MACO1: variants seen among roughly 807,000 people sequenced by gnomAD.
MACO1 encodes the protein macoilin.
Under a neutral mutation model 78.7 loss-of-function variants are expected in MACO1, and 14 were observed. That is an observed-to-expected ratio of 0.18 (90% CI 0.12 to 0.28). The LOEUF (loss-of-function observed/expected upper bound fraction) is 0.28, where lower values mean the gene tolerates loss of function less well. Among genes scored for constraint, MACO1 ranks in the 10% least tolerant of loss-of-function variants. The pLI, the probability that MACO1 is intolerant of heterozygous loss-of-function variation, is 1.00. For synonymous variants in MACO1, 288 were observed against 291.6 expected (o/e 0.99, Z 0.12); for missense variants, 501 against 799.0 (o/e 0.63, Z 4.50).
intron 6 of MACO1, among the ~76,000 whole-genome samples, chr1:25,482,647 C>T (rs758908886): frequency 1.2e-4 from 18 of 152,348 alleles, no homozygotes; most frequent in Middle Eastern, 6.8e-3. Context: ...CTTCTCTCCT[C>T]AGACTCACAT....
intron 6 of MACO1, among the ~76,000 whole-genome samples, chr1:25,467,907 G>T (rs1176336530): frequency 6.6e-6 from 1 of 152,056 alleles, no homozygotes; most frequent in Non-Finnish European, 1.5e-5. Flanking sequence ...GAAGTTTTTT[G>T]ACTTCTGGAA....
At chr1:25,492,624 T>A (rs140661825) in intron 10 of MACO1, among the ~76,000 whole-genome samples, 2 of 152,158 alleles carry the variant, frequency 1.3e-5, no homozygotes, top group African/African-American at 4.8e-5. Flanking sequence ...TGTATGGGAC[T>A]TGAGGCCCAT....
chr1:25,497,104 G>A (rs2043544279), intron 10 of MACO1, among the ~76,000 whole-genome samples: 1 of 152,156 alleles, frequency 6.6e-6, no homozygotes, highest in Non-Finnish European at 1.5e-5. Context: ...AGTTAGACCG[G>A]GCGCGGTGGC....
intron 6 of MACO1, among the ~76,000 whole-genome samples, chr1:25,471,262 C>G (rs968758657): frequency 6.6e-6 from 1 of 151,642 alleles, no homozygotes; most frequent in South Asian, 2.1e-4. Flanking sequence ...TCACTTGAAC[C>G]TGAGAGGCAG....
intron 6 of MACO1, among the ~76,000 whole-genome samples, chr1:25,482,017 C>T (rs185869289): frequency 4.6e-5 from 7 of 152,210 alleles, no homozygotes; most frequent in East Asian, 1.9e-4. Flanking sequence ...ATTGAGTAAG[C>T]GTTGATCACT....
chr1:25,491,240 T>C (rs1557677538), intron 9 of MACO1, 170 bp from the exon 10 acceptor site: 1 of 278,866 alleles, frequency 3.6e-6, no homozygotes, highest in Non-Finnish European at 5.4e-6. Flanking sequence ...TTGTATGTGC[T>C]TATTGCCATA....
chr1:25,447,005 A>G, intron 2 of MACO1, 102 bp downstream of exon 2: 1 of 1,379,936 alleles, frequency 7.2e-7, no homozygotes, highest in Non-Finnish European at 9.6e-7. Context: ...ATTAGCTAAT[A>G]GGGTCTGTTA....
At chr1:25,446,733 A>C (rs753459088) in intron 1 of MACO1, 29 bp from the exon 2 acceptor site, 1 of 1,561,702 alleles carries the variant, frequency 6.4e-7, no homozygotes, top group South Asian at 1.2e-5. Flanking sequence ...AATGACCTTA[A>C]ATTAATTCTT....
At chr1:25,439,972 C>T (rs1431829391) in intron 1 of MACO1, among the ~76,000 whole-genome samples, 6 of 149,040 alleles carry the variant, frequency 4.0e-5, no homozygotes, top group African/African-American at 1.2e-4. Flanking sequence ...GAGCCGAGAT[C>T]GTACCATTGC....
Position 25,488,772 on chromosome 1 carries a change from A to G in MACO1, c.1497-401A>G, listed in dbSNP as rs552792211. Reference sequence around the variant, plus strand: ...ATTGCTGTGATTACAGGCGTGAGCCACTGCACTCGGCCAACCTATAGTCTT... The same window carrying G: ...ATTGCTGTGATTACAGGCGTGAGCCGCTGCACTCGGCCAACCTATAGTCTT... On this transcript the variant is annotated intron_variant, in intron 8 of 10. Coordinates refer to ENST00000374343, the MANE Select transcript of MACO1 (RefSeq NM_018202.6). Among the ~76,000 whole-genome samples the G allele has an allele frequency of 2.0e-3, 306 of 152,296 alleles. 1 individual carries two copies. The highest frequency in any genetic ancestry group is 7.0e-3 in the African/African-American group (293 of 41,566).
Position 25,491,430 on chromosome 1 carries a change from A to T in MACO1, c.1638A>T (p.Glu546Asp). The T allele has an allele frequency of 6.2e-7, 1 of 1,614,270 alleles. No individual in the cohort carries two copies. Among genetic ancestry groups the T allele is most frequent in the Non-Finnish European group, 8.5e-7 (1 of 1,180,046 alleles). ...GATAGGAGCTTCGGAAATATAAGGA[A>T]AATGAGAAGGACACTGAGGTGTTAA... is the stretch of plus-strand genomic sequence containing the variant. ...LKVQELRKYK[E>D]NEKDTEVLMS... The change falls in exon 10 of 11, where the codon GAA (glutamate) becomes GAT (aspartate). Residue 546 changes from glutamate to aspartate, a missense_variant. Physicochemically the swap from Glu to Asp is conservative, Grantham distance 45. Around this residue, in one of 5 missense-constraint regions of MACO1, gnomAD observed 11 missense variants for 47.7 expected, o/e 0.23. Transcript: ENST00000374343.
intron 1 of MACO1, among the ~76,000 whole-genome samples, chr1:25,441,038 A>G (rs945203612): frequency 2.0e-5 from 3 of 152,190 alleles, no homozygotes; most frequent in South Asian, 2.1e-4. Flanking sequence ...CAGAAGCTGC[A>G]TTGGTTATCT....
chr1:25,439,467 T>C (rs1308767989), intron 1 of MACO1, among the ~76,000 whole-genome samples: 6 of 151,932 alleles, frequency 3.9e-5, no homozygotes, highest in African/African-American at 9.7e-5. Context: ...GCTGCACATG[T>C]ACGCGCGCGT....
In MACO1 at chr1:25,473,648, T is replaced by C. The variant is rs145246444; in HGVS notation, c.1155-10468T>C. Among the ~76,000 whole-genome samples, 441 of 152,364 alleles carry C rather than the reference T, an allele frequency of 2.9e-3. 2 individuals carry two copies. Among genetic ancestry groups the C allele is most frequent in the African/African-American group, 9.1e-3 (377 of 41,592 alleles). On this transcript the variant is annotated intron_variant, in intron 6 of 10. Transcript: ENST00000374343. ...AGTCAGTACCTCTGTTGGCATATAA[T>C]GAATTTAGTTTTTCATCTAAGGGGG...
intron 1 of MACO1, 69 bp downstream of exon 1, chr1:25,431,247 C>A: frequency 1.6e-6 from 2 of 1,288,930 alleles, no homozygotes; most frequent in South Asian, 1.4e-5. Context: ...AGGGGCCTGG[C>A]CCCGTTATGT....
At chr1:25,490,356 T>C (rs72660960) in intron 9 of MACO1, among the ~76,000 whole-genome samples, 45,103 of 152,100 alleles carry the variant, frequency 0.3, 8,586 homozygotes, top group Non-Finnish European at 0.43. Flanking sequence ...GATAAGATCA[T>C]AAAAATATAA....
At chr1:25,450,679 C>G (rs1236316093) in intron 3 of MACO1, among the ~76,000 whole-genome samples, 1 of 152,218 alleles carries the variant, frequency 6.6e-6, no homozygotes, top group Non-Finnish European at 1.5e-5. Flanking sequence ...ATGTTTCACA[C>G]TCTTTCATAT....
chr1:25,496,340 G>T (rs1446739832), intron 10 of MACO1, among the ~76,000 whole-genome samples: 1 of 151,896 alleles, frequency 6.6e-6, no homozygotes, highest in Non-Finnish European at 1.5e-5. Flanking sequence ...TAGAGACAGG[G>T]TTTTGTCATG....
chr1:25,465,508 C>T (rs914126434), intron 6 of MACO1, among the ~76,000 whole-genome samples: 2 of 152,104 alleles, frequency 1.3e-5, no homozygotes, highest in African/African-American at 2.4e-5. Flanking sequence ...AGTGGTATCT[C>T]GTTGTTTTAA....
Sources: gnomAD v4.1 joint callset for allele counts (sites outside exome capture counted in the v4.1 genomes callset) on GRCh38, gnomAD v4.1.1 for gene constraint, gnomAD v4.1.1 regional missense constraint, MANE v1.5 for transcripts, NCBI Gene and HGNC (gene_info 2026-07-23, HGNC 2026-07-21) for gene names.